Variants in CATSPERD observed in about 807,000 individuals in gnomAD.
CATSPERD encodes the protein catsper channel auxiliary subunit delta, also known as cation channel sperm-associated auxiliary subunit delta.
A neutral mutation model predicts 98.1 loss-of-function variants in CATSPERD; 86 were observed. The observed-to-expected ratio is 0.88, with a 90% CI of 0.74 to 1.05. The LOEUF (loss-of-function observed/expected upper bound fraction) is 1.05, where lower values mean the gene tolerates loss of function less well. CATSPERD is among the 50% of genes least tolerant of loss of function. The pLI, the probability that CATSPERD is intolerant of heterozygous loss-of-function variation, is 0.00. For missense variants in CATSPERD, 995 were observed against 1,005.7 expected, an observed-to-expected ratio of 0.99 and a Z score of 0.14; for synonymous variants, 394 against 390.2, an observed-to-expected ratio of 1.01 and a Z score of -0.12.
Position 5,778,645 on chromosome 19 carries a change from G to A in CATSPERD, c.2366G>A (p.Arg789His), listed in dbSNP as rs570068241. The A allele has an allele frequency of 1.7e-5, 27 of 1,613,376 alleles. No homozygotes were observed. The highest frequency in any genetic ancestry group is 6.7e-5 in the East Asian group (3 of 44,892). ...GGCACAGAGCCCCCGGGACGCCACC[G>A]CACTCCTCACGGAGGCAGGTCTGAC... ...RAGTEPPGRH[R>H]TPHGGRSDH The change falls in exon 22 of 22, where the codon CGC becomes CAC. Residue 789 changes from arginine (R) to histidine (H), a missense_variant. Transcript: ENST00000381624.
At chr19:5,739,503 C>A in intron 7 of CATSPERD, 64 bp downstream of exon 7, 2 of 946,672 alleles carry the variant, frequency 2.1e-6, no homozygotes, top group African/African-American at 1.7e-5. Flanking sequence ...GTAGTAATTG[C>A]TGTCAATGGG....
chr19:5,745,918 G>A lies in CATSPERD; in HGVS notation c.663G>A (p.Met221Ile), dbSNP rs2056083786. The A allele has an allele frequency of 1.9e-6, 3 of 1,614,068 alleles. No homozygotes were observed. The highest frequency in any genetic ancestry group is 2.5e-6 in the Non-Finnish European group (3 of 1,179,994). Residue 221 changes from methionine (M) to isoleucine (I), a missense_variant, in exon 9 of 22, where the codon ATG (methionine) becomes ATA (isoleucine). Met to Ile is a conservative substitution (Grantham distance 10). Coordinates refer to ENST00000381624, the MANE Select transcript of CATSPERD (RefSeq NM_152784.4). ...AMLVVNQGKG[M>I]FKYSDHPLNR... ...ATGGTGTCTTTTTCTCCCAGGGCAT[G>A]TTCAAGTACTCAGATCACCCCCTCA...
At chr19:5,745,852 G>A (rs963437359) in intron 8 of CATSPERD, 61 bp from the exon 9 acceptor site, 30 of 1,571,616 alleles carry the variant, frequency 1.9e-5, no homozygotes, top group Middle Eastern at 1.8e-4. Flanking sequence ...CCCTCATTAG[G>A]ACTCAGTGGG....
rs192056015 is a variant in CATSPERD, at chr19:5,743,085, C to T, written c.574-1342C>T. On this transcript the variant is annotated intron_variant, in intron 7 of 21. Transcript: ENST00000381624. ...TTGGGAGGACAAGGCAGGTGGATCA[C>T]GAGGTCAAGAGTTCAAGACCAGCCT... is the stretch of plus-strand genomic sequence containing the variant. Among the ~76,000 whole-genome samples, 163 of 152,180 alleles carry T rather than the reference C, an allele frequency of 1.1e-3. No individual in the cohort carries two copies. In the East Asian group the frequency reaches 0.023, roughly 21 times the overall value.
intron 13 of CATSPERD, among the ~76,000 whole-genome samples, chr19:5,757,411 C>T (rs2056344371): frequency 6.6e-6 from 1 of 150,550 alleles, no homozygotes. Flanking sequence ...GATTCTCTTG[C>T]CTCGGGCTCC....
chr19:5,734,227 G>C (rs951750027), intron 5 of CATSPERD, among the ~76,000 whole-genome samples: 1 of 152,202 alleles, frequency 6.6e-6, no homozygotes, highest in African/African-American at 2.4e-5. Context: ...CATTGGCCGG[G>C]TGCGCTGGCT....
intron 6 of CATSPERD, among the ~76,000 whole-genome samples, chr19:5,739,029 A>AC (rs2055904300): frequency 6.6e-6 from 1 of 151,198 alleles, no homozygotes; most frequent in Non-Finnish European, 1.5e-5. Context: ...CGCCCAGCCT[A>AC]ACTTTGGTAT....
intron 3 of CATSPERD, among the ~76,000 whole-genome samples, chr19:5,728,846 G>C (rs1361002364): frequency 6.6e-6 from 1 of 151,728 alleles, no homozygotes; most frequent in East Asian, 1.9e-4. Flanking sequence ...CTACAGGTGT[G>C]CACCACCACG....
intron 20 of CATSPERD, chr19:5,775,239 G>T (rs1050500136): frequency 1.5e-5 from 7 of 470,928 alleles, no homozygotes; most frequent in East Asian, 1.4e-4. Flanking sequence ...TAAGACAAAA[G>T]AAACTGTTTT....
intron 11 of CATSPERD, among the ~76,000 whole-genome samples, chr19:5,751,159 C>T (rs2056206263): frequency 7.7e-6 from 1 of 130,356 alleles, no homozygotes; most frequent in South Asian, 2.5e-4. Context: ...GATTGCGCCA[C>T]TGCACTCCAG....
At position 5,746,022 on chromosome 19, in the gene CATSPERD, T is replaced by A; in HGVS notation, c.767T>A (p.Leu256His). ...LIAPGQRGIL[L>H]LWFENSLLFS... ...GCCCCCGGCCAGAGAGGCATCCTGC[T>A]CCTATGGTTTGAGAACAGCCTGTTG... Residue 256 changes from leucine to histidine, a missense_variant, in exon 9 of 22, where the codon CTC becomes CAC. Physicochemically the swap from Leu to His is moderately conservative, Grantham distance 99. Coordinates refer to ENST00000381624, the MANE Select transcript of CATSPERD (RefSeq NM_152784.4). 1 of 1,614,140 alleles carries A rather than the reference T, an allele frequency of 6.2e-7. No homozygotes were observed.
At chr19:5,729,427 C>G (rs1005236746) in intron 3 of CATSPERD, among the ~76,000 whole-genome samples, 2 of 152,104 alleles carry the variant, frequency 1.3e-5, no homozygotes, top group African/African-American at 4.8e-5. Flanking sequence ...TGTTGAAAAC[C>G]ATAAAATTTA....
At position 5,739,630 on chromosome 19, in the gene CATSPERD, G is replaced by C. The variant is rs140038398; in HGVS notation, c.573+191G>C. Among the ~76,000 whole-genome samples, 39 of 151,790 alleles carry C rather than the reference G, an allele frequency of 2.6e-4. 1 individual carries two copies. In the East Asian group the frequency reaches 7.4e-3, roughly 29 times the overall value. On this transcript the variant is annotated intron_variant, in intron 7 of 21. Coordinates refer to ENST00000381624, the MANE Select transcript of CATSPERD (RefSeq NM_152784.4). ...GAGGATAGCTTGAGCCCAGGAGTTT[G>C]AGACCGGCCTGGGTGACATGGCAAG...
At chr19:5,772,674 C>T in intron 19 of CATSPERD, 114 bp from the exon 20 acceptor site, 2 of 1,082,980 alleles carry the variant, frequency 1.8e-6, no homozygotes, top group Non-Finnish European at 2.7e-6. Context: ...TTGGTTTCCT[C>T]TCTGTCACCT....
At chr19:5,762,704 C>T (rs753653131) in intron 15 of CATSPERD, among the ~76,000 whole-genome samples, 3 of 113,152 alleles carry the variant, frequency 2.7e-5, no homozygotes, top group East Asian at 2.7e-4. Context: ...TGGAATGGAT[C>T]GATAAGTGGG....
intron 1 of CATSPERD, among the ~76,000 whole-genome samples, chr19:5,723,038 A>C (rs2055526272): frequency 6.6e-6 from 1 of 151,590 alleles, no homozygotes; most frequent in Admixed American, 6.6e-5. Context: ...AATACAAAAA[A>C]TTAGTCGGTG....
At position 5,750,518 on chromosome 19, in the gene CATSPERD, G is replaced by A. The variant is rs181784504; in HGVS notation, c.988-1129G>A. ...ACAGTGGCTCCTTCCTGCAATCCCA[G>A]CACTTTGGTTCCAGGAGTTCATGAC... On this transcript the variant is annotated intron_variant, in intron 11 of 21. Coordinates refer to ENST00000381624, the MANE Select transcript of CATSPERD (RefSeq NM_152784.4). 6.2e-5 allele frequency among the ~76,000 whole-genome samples: 9 copies of A among 145,358 alleles called. No individual in the cohort carries two copies. In the East Asian group the frequency reaches 1.7e-3, roughly 27 times the overall value.
intron 13 of CATSPERD, 44 bp from the exon 14 acceptor site, chr19:5,757,799 C>A: frequency 4.0e-6 from 6 of 1,513,218 alleles, no homozygotes; most frequent in Non-Finnish European, 4.6e-6. Context: ...CCCCGTCCTG[C>A]CTGCTGGCTC....
chr19:5,739,288 T>G, intron 6 of CATSPERD, 38 bp from the exon 7 acceptor site: 31 of 1,132,296 alleles, frequency 2.7e-5, no homozygotes, highest in Non-Finnish European at 4.0e-5. Flanking sequence ...CTTGCTGGCA[T>G]CTTTCTTTCA....
Sources: allele counts gnomAD v4.1 joint callset (sites outside exome capture counted in the v4.1 genomes callset), GRCh38; gene constraint gnomAD v4.1.1; transcripts MANE v1.5; gene names NCBI Gene and HGNC (gene_info 2026-07-23, HGNC 2026-07-21).